REEP3: variants seen among roughly 807,000 people sequenced by gnomAD.
REEP3 encodes receptor accessory protein 3.
A neutral mutation model predicts 41.3 loss-of-function variants in REEP3; 20 were observed. That is an observed-to-expected ratio of 0.48 (90% CI 0.34 to 0.70). REEP3 has a LOEUF of 0.70. Ranked by LOEUF, REEP3 falls within the 30% of genes least tolerant of loss-of-function variation. REEP3 has a pLI of 0.01. For synonymous variants in REEP3, 104 were observed against 101.8 expected (o/e 1.02, Z -0.13); for missense variants, 271 against 308.8 (o/e 0.88, Z 0.92).
Position 63,589,785 on chromosome 10 carries a change from C to CTTTTTTTTTTTTTTT in REEP3, c.106-4981_106-4967dup, listed in dbSNP as rs59658061. Among the ~76,000 whole-genome samples the CTTTTTTTTTTTTTTT allele has an allele frequency of 7.4e-4, 60 of 80,832 alleles. 4 individuals carry two copies. The highest frequency in any genetic ancestry group is 1.6e-3 in the African/African-American group (35 of 21,274). The allele number at this position is 80,832 out of a possible 152,430, so 53.0% of individuals were successfully genotyped here. A position where few individuals can be genotyped will look rare whatever the true frequency, so the allele number is the denominator to read the frequency against. On this transcript the variant is annotated intron_variant, in intron 2 of 7. Transcript: ENST00000373758. ...TAATGTACTAAGAACAGCAGAACAT[C>CTTTTTTTTTTTTTTT]TTTTTTTTTTTTTTTTTTTTTTTTT...
At chr10:63,540,492 T>C (rs758540917) in intron 1 of REEP3, among the ~76,000 whole-genome samples, 2 of 152,186 alleles carry the variant, frequency 1.3e-5, no homozygotes, top group South Asian at 4.1e-4. Context: ...TACATCTTGG[T>C]TAAAAAATAA....
intron 1 of REEP3, among the ~76,000 whole-genome samples, chr10:63,533,725 T>TTTTTTTTTTTTTTTTTTTTTA (rs1589857082): frequency 7.0e-6 from 1 of 143,684 alleles, no homozygotes; most frequent in Non-Finnish European, 1.5e-5. Context: ...TTTTTTTTTT[T>TTTTTTTTTTTTTTTTTTTTTA]GAGACGGAGT....
intron 2 of REEP3, among the ~76,000 whole-genome samples, chr10:63,587,139 A>G (rs1474335339): frequency 6.6e-6 from 1 of 152,204 alleles, no homozygotes; most frequent in Non-Finnish European, 1.5e-5. Context: ...CTGAATGCAG[A>G]TGATAGCTAA....
chr10:63,556,339 C>T (rs1197446401), intron 1 of REEP3, among the ~76,000 whole-genome samples: 1 of 151,612 alleles, frequency 6.6e-6, no homozygotes, highest in Non-Finnish European at 1.5e-5. Context: ...TCAGGCTGGT[C>T]TCGAACTCCT....
At chr10:63,619,198 A>G (rs1956334067) in intron 6 of REEP3, among the ~76,000 whole-genome samples, 1 of 152,250 alleles carries the variant, frequency 6.6e-6, no homozygotes, top group Non-Finnish European at 1.5e-5. Flanking sequence ...CCCAGTCTTG[A>G]CAAAAGATAC....
intron 5 of REEP3, among the ~76,000 whole-genome samples, chr10:63,607,167 A>G (rs1038681377): frequency 2.0e-5 from 3 of 152,164 alleles, no homozygotes; most frequent in African/African-American, 7.2e-5. Context: ...TATTGCACCA[A>G]TTTCTCTCTT....
chr10:63,521,641 G>A, intron 1 of REEP3, 64 bp downstream of exon 1: 3 of 1,223,054 alleles, frequency 2.5e-6, no homozygotes, highest in South Asian at 4.0e-5. Context: ...GGAAGGGGAA[G>A]GAGCCGAGAG....
intron 6 of REEP3, among the ~76,000 whole-genome samples, chr10:63,617,237 C>G (rs914933711): frequency 1.3e-5 from 2 of 152,186 alleles, no homozygotes; most frequent in African/African-American, 4.8e-5. Context: ...ACTTCCAAAT[C>G]TCCTCTGACT....
chr10:63,570,839 G>A (rs1955845265), intron 2 of REEP3, among the ~76,000 whole-genome samples: 1 of 152,202 alleles, frequency 6.6e-6, no homozygotes, highest in Non-Finnish European at 1.5e-5. Context: ...GAGAGGCCTG[G>A]TGCAGTGGCT....
At chr10:63,562,478 A>C in intron 1 of REEP3, 1 of 442,918 alleles carries the variant, frequency 2.3e-6, no homozygotes, top group Non-Finnish European at 4.5e-6. Context: ...GCTGGTCTCG[A>C]ACTCCTGACC....
chr10:63,556,629 G>GTTTTTTTTTTTTTTTTTT (rs1564477633), intron 1 of REEP3, among the ~76,000 whole-genome samples: 1 of 13,398 alleles, frequency 7.5e-5, no homozygotes, highest in African/African-American at 1.8e-4. Context: ...TTTTTTTGTT[G>GTTTTTTTTTTTTTTTTTT]TTTTGTTTTT....
chr10:63,533,286 A>C (rs1955441525), intron 1 of REEP3, among the ~76,000 whole-genome samples: 1 of 152,250 alleles, frequency 6.6e-6, no homozygotes, highest in Admixed American at 6.5e-5. Flanking sequence ...CAACAAGCCT[A>C]GTCGTTCTTG....
intron 5 of REEP3, among the ~76,000 whole-genome samples, chr10:63,602,114 G>GA (rs200734048): frequency 1.6e-4 from 23 of 147,976 alleles, no homozygotes; most frequent in African/African-American, 4.5e-4. Flanking sequence ...AATGAAAAAG[G>GA]AAAAAAAAAG....
At chr10:63,608,516 T>C (rs1956249401) in intron 5 of REEP3, among the ~76,000 whole-genome samples, 1 of 152,172 alleles carries the variant, frequency 6.6e-6, no homozygotes, top group South Asian at 2.1e-4. Context: ...AATTTAGAGA[T>C]GAAGCATTAT....
At chr10:63,540,159 A>C (rs1219804859) in intron 1 of REEP3, among the ~76,000 whole-genome samples, 1 of 152,220 alleles carries the variant, frequency 6.6e-6, no homozygotes, top group Non-Finnish European at 1.5e-5. Flanking sequence ...TTAAGATTGA[A>C]TTACAGAAGT....
chr10:63,563,332 A>G (rs185356771), intron 1 of REEP3, among the ~76,000 whole-genome samples: 1 of 152,374 alleles, frequency 6.6e-6, no homozygotes, highest in Non-Finnish European at 1.5e-5. Flanking sequence ...ACATTCCAGT[A>G]GCAATGAGCA....
chr10:63,556,231 T>C (rs936342469), intron 1 of REEP3, among the ~76,000 whole-genome samples: 2 of 152,038 alleles, frequency 1.3e-5, no homozygotes, highest in African/African-American at 4.8e-5. Context: ...TTCTCCTGCC[T>C]CAGCCTCCCA....
intron 1 of REEP3, among the ~76,000 whole-genome samples, chr10:63,557,728 A>C (rs933291653): frequency 5.3e-5 from 8 of 152,196 alleles, no homozygotes; most frequent in African/African-American, 1.4e-4. Context: ...TTTTTTTTCC[A>C]AATTGATATG....
intron 1 of REEP3, among the ~76,000 whole-genome samples, chr10:63,542,769 T>C (rs944778544): frequency 1.1e-4 from 16 of 152,216 alleles, no homozygotes; most frequent in African/African-American, 2.2e-4. Context: ...CTTAATATCA[T>C]GTAGATGCCA....
Sources: allele counts gnomAD v4.1 joint callset (sites outside exome capture counted in the v4.1 genomes callset), GRCh38; gene constraint gnomAD v4.1.1; transcripts MANE v1.5; gene names NCBI Gene and HGNC (gene_info 2026-07-23, HGNC 2026-07-21).